The following AXL variants were observed in gnomAD, a reference collection of about 807,000 sequenced individuals.
AXL encodes the protein tyrosine-protein kinase receptor UFO.
AXL carries 52 observed loss-of-function variants against 104.5 expected under a neutral mutation model. That is an observed-to-expected ratio of 0.50 (90% CI 0.40 to 0.63). The LOEUF is 0.63. AXL is among the 20% of genes least tolerant of loss of function. The pLI is 0.00. For missense variants in AXL, 1,024 were observed against 1,188.5 expected (o/e 0.86, Z 2.04); for synonymous variants, 455 against 473.7 (o/e 0.96, Z 0.51).
rs186049557 is a variant in AXL at position 41,222,202 on chromosome 19, T to C, written c.586+146T>C. On this transcript the variant is annotated intron_variant, in intron 4 of 19. Coordinates refer to ENST00000301178, the MANE Select transcript of AXL (RefSeq NM_021913.5). ...TCTCTCTCGTTTCTCCCTCTGAGTCTGTCTCTGCCTCTCTGTCTCTACCTA... is the reference window on the plus strand; with the variant it reads ...TCTCTCTCGTTTCTCCCTCTGAGTCCGTCTCTGCCTCTCTGTCTCTACCTA... 8.8e-5 allele frequency: 79 copies of C among 902,162 alleles called. 1 individual carries two copies. The East Asian group carries it at 2.3e-3, about 26-fold the overall frequency. The allele number at this position is 902,162 out of a possible 1,614,324, so 55.9% of individuals were successfully genotyped here. A position where few individuals can be genotyped will look rare whatever the true frequency, so the allele number is the denominator to read the frequency against.
chr19:41,232,952 T>A (rs1005120188), intron 6 of AXL, among the ~76,000 whole-genome samples: 1 of 152,138 alleles, frequency 6.6e-6, no homozygotes, highest in Non-Finnish European at 1.5e-5. Flanking sequence ...CAAACCCATG[T>A]CATGCTCCTA....
In AXL at chr19:41,221,932, C is replaced by T. The variant is rs2122198902; in HGVS notation, c.462C>T (p.Thr154=). The change falls in exon 4 of 20, where the codon ACC becomes ACT. Residue 154 remains threonine (T), a synonymous_variant. Transcript: ENST00000301178. ...AAGACAGGACTGTGGCCGCCAACAC[C>T]CCCTTCAACCTGAGCTGCCAAGCTC... The part of the protein sequence containing the change: ...EPEDRTVAAN[T]PFNLSCQAQG... 1 of 1,613,656 alleles carries T rather than the reference C, an allele frequency of 6.2e-7. No individual in the cohort carries two copies. The highest frequency in any genetic ancestry group is 8.5e-7 in the Non-Finnish European group (1 of 1,179,872).
rs754490094 is a variant in AXL at position 41,231,262 on chromosome 19, G to C, written c.747G>C (p.Leu249=). ...TELEVAWTPG[L]SGIYPLTHCT... The stretch of plus-strand genomic sequence containing the variant: ...TGGAGGTGGCTTGGACTCCAGGCCT[G>C]AGCGGCATCTACCCCCTGACCCACT... The change falls in exon 6 of 20, where the codon CTG becomes CTC. Residue 249 remains leucine (L), a synonymous_variant. Coordinates refer to ENST00000301178, the MANE Select transcript of AXL (RefSeq NM_021913.5). 1 of 1,613,766 alleles carries C rather than the reference G, an allele frequency of 6.2e-7. No homozygotes were observed. Among genetic ancestry groups the C allele is most frequent in the Admixed American group, 1.7e-5 (1 of 59,986 alleles).
intron 17 of AXL, among the ~76,000 whole-genome samples, chr19:41,254,333 C>G (rs1333125673): frequency 7.0e-6 from 1 of 141,910 alleles, no homozygotes; most frequent in African/African-American, 2.7e-5. Context: ...GCCGAGATCG[C>G]ATCACTGCAC....
intron 12 of AXL, among the ~76,000 whole-genome samples, chr19:41,245,713 CAAAAAAAAA>C (rs371879527): frequency 1.6e-5 from 1 of 62,932 alleles, no homozygotes; most frequent in East Asian, 6.1e-4. Context: ...GACACCGTCT[CAAAAAAAAA>C]AAAAAAAAAA....
At chr19:41,222,543 T>C (rs899562032) in intron 4 of AXL, among the ~76,000 whole-genome samples, 1 of 152,094 alleles carries the variant, frequency 6.6e-6, no homozygotes, top group African/African-American at 2.4e-5. Flanking sequence ...CTGGCCTCAG[T>C]CAAAGGGAGG....
chr19:41,223,630 G>A (rs1345267487), intron 4 of AXL, among the ~76,000 whole-genome samples: 1 of 152,170 alleles, frequency 6.6e-6, no homozygotes, highest in Non-Finnish European at 1.5e-5. Flanking sequence ...GGAGGGAGGA[G>A]CTCACATTCT....
chr19:41,247,188 G>A (rs1267260381), intron 12 of AXL, among the ~76,000 whole-genome samples: 1 of 152,200 alleles, frequency 6.6e-6, no homozygotes. Flanking sequence ...TGGCCTGAGT[G>A]CTAGTTACAC....
rs1356463294 is a variant in AXL at position 41,235,059 on chromosome 19, T to C, written c.784-2885T>C. On this transcript the variant is annotated intron_variant, in intron 6 of 19. Coordinates refer to ENST00000301178, the MANE Select transcript of AXL (RefSeq NM_021913.5). ...TTGTTGCCAGGAAACACACATAAAA[T>C]AATAAGTGACAGGCCGGGCACGGTG... is the stretch of plus-strand genomic sequence containing the variant. 3.3e-5 allele frequency among the ~76,000 whole-genome samples: 5 copies of C among 152,102 alleles called. No homozygotes were observed. In the East Asian group the frequency reaches 9.6e-4, roughly 29 times the overall value.
At chr19:41,225,097 G>A (rs2033856246) in intron 4 of AXL, among the ~76,000 whole-genome samples, 1 of 152,182 alleles carries the variant, frequency 6.6e-6, no homozygotes, top group South Asian at 2.1e-4. Context: ...TCCGCCTCCG[G>A]GGTTCAAGGG....
At chr19:41,248,359 G>A (rs2034304585) in intron 12 of AXL, among the ~76,000 whole-genome samples, 155 bp from the exon 13 acceptor site, 1 of 152,242 alleles carries the variant, frequency 6.6e-6, no homozygotes, top group Non-Finnish European at 1.5e-5. Flanking sequence ...AGGAGCTGGG[G>A]TGGAAGTAGA....
In AXL at chr19:41,248,754, G is replaced by C; in HGVS notation, c.1645G>C (p.Ala549Pro). 2 of 1,614,158 alleles carry C rather than the reference G, an allele frequency of 1.2e-6. No homozygotes were observed. The highest frequency in any genetic ancestry group is 8.5e-7 in the Non-Finnish European group (1 of 1,180,034). Reference protein sequence around the residue: ...GKTLGEGEFGAVMEGQLNQDD... With the variant: ...GKTLGEGEFGPVMEGQLNQDD... The stretch of plus-strand genomic sequence containing the variant: ...CTGGCCCCCCACAGGAGAGTTTGGA[G>C]CTGTGATGGAAGGCCAGCTCAACCA... Residue 549 changes from alanine to proline, a missense_variant, in exon 14 of 20, where the codon GCT (alanine) becomes CCT (proline). Physicochemically the swap from Ala to Pro is conservative, Grantham distance 27. Transcript: ENST00000301178.
In AXL at chr19:41,260,730, C is replaced by T. The variant is rs2034526337; in HGVS notation, c.*826C>T. 2 of 152,144 alleles carry T rather than the reference C, an allele frequency of 1.3e-5. No homozygotes were observed. The highest frequency in any genetic ancestry group is 4.8e-5 in the African/African-American group (2 of 41,426). 9.4% of individuals were successfully genotyped at this position (152,144 alleles called of 1,614,324 possible). ...AGTTCTAAGATTCTGATTTTAGGAG[C>T]TAAGGCTCTATGAGTCTAGATGTTT... On this transcript the variant is annotated 3_prime_UTR_variant, in exon 20 of 20. Transcript: ENST00000301178.
Position 41,221,988 on chromosome 19 carries a change from G to A in AXL, c.518G>A (p.Trp173Ter), listed in dbSNP as rs2122199402. 2.5e-6 allele frequency: 4 copies of A among 1,610,580 alleles called. No homozygotes were observed. The highest frequency in any genetic ancestry group is 3.4e-6 in the Non-Finnish European group (4 of 1,178,670). Reference sequence around the variant, plus strand: ...CCCCCAGAGCCCGTGGACCTACTCTGGCTCCAGGATGCTGTCCCCCTGGCC... The same window carrying A: ...CCCCCAGAGCCCGTGGACCTACTCTAGCTCCAGGATGCTGTCCCCCTGGCC... ...QGPPEPVDLL[W>*]LQDAVPLATA... is the part of the protein sequence containing the mutation. Residue 173 changes from tryptophan (W) to a stop codon, truncating the protein, a stop_gained, in exon 4 of 20, where the codon TGG (tryptophan) becomes TAG (stop). Coordinates refer to ENST00000301178, the MANE Select transcript of AXL (RefSeq NM_021913.5). LOFTEE classifies it high-confidence loss of function.
At chr19:41,243,446 T>G (rs2034217529) in intron 11 of AXL, among the ~76,000 whole-genome samples, 170 bp from the exon 12 acceptor site, 1 of 150,476 alleles carries the variant, frequency 6.6e-6, no homozygotes, top group Non-Finnish European at 1.5e-5. Flanking sequence ...GGCAAGGGGG[T>G]GTGTGGAATG....
At chr19:41,222,864 C>G (rs1172667258) in intron 4 of AXL, among the ~76,000 whole-genome samples, 2 of 149,298 alleles carry the variant, frequency 1.3e-5, no homozygotes, top group African/African-American at 5.0e-5. Context: ...CGAGATTGCG[C>G]CACTGCACTC....
In AXL at chr19:41,223,969, G is replaced by GGTGT. The variant is rs10553535; in HGVS notation, c.586+1931_586+1934dup. ...GGACTTCTGTGGATGTCCCATGTGT[G>GGTGT]GTGTGTGTGTGTGTGTGTGTGACTA... On this transcript the variant is annotated intron_variant, in intron 4 of 19. Coordinates refer to ENST00000301178, the MANE Select transcript of AXL (RefSeq NM_021913.5). Among the ~76,000 whole-genome samples, 1,278 of 149,774 alleles carry GGTGT rather than the reference G, an allele frequency of 8.5e-3. 18 individuals are homozygous for GGTGT. The highest frequency in any genetic ancestry group is 0.03 in the African/African-American group (1,209 of 40,860).
rs375559004 is a variant in AXL at position 41,221,921 on chromosome 19, G to C, written c.451G>C (p.Ala151Pro). ...FLEEPEDRTV[A>P]ANTPFNLSCQ... ...GGAGGAGCCCGAAGACAGGACTGTG[G>C]CCGCCAACACCCCCTTCAACCTGAG... The change falls in exon 4 of 20, where the codon GCC (alanine) becomes CCC (proline). Residue 151 changes from alanine to proline, a missense_variant. Ala to Pro is a conservative substitution (Grantham distance 27). Coordinates refer to ENST00000301178, the MANE Select transcript of AXL (RefSeq NM_021913.5). 3.7e-6 allele frequency: 6 copies of C among 1,613,676 alleles called. No individual in the cohort carries two copies. Among genetic ancestry groups the C allele is most frequent in the Non-Finnish European group, 5.1e-6 (6 of 1,179,898 alleles).
chr19:41,227,784 C>T (rs368415959), intron 4 of AXL, among the ~76,000 whole-genome samples: 1 of 152,002 alleles, frequency 6.6e-6, no homozygotes, highest in Admixed American at 6.6e-5. Flanking sequence ...CCATAGCACC[C>T]GGCCAGGCGA....
Sources: allele counts gnomAD v4.1 joint callset (sites outside exome capture counted in the v4.1 genomes callset), GRCh38; gene constraint gnomAD v4.1.1; transcripts MANE v1.5; gene names NCBI Gene and HGNC (gene_info 2026-07-23, HGNC 2026-07-21).